Variants in ZNF92 observed in about 807,000 individuals in gnomAD.
ZNF92 encodes the protein epididymis luminal protein 203.
In ZNF92, 11 loss-of-function variants were observed where a neutral mutation model predicts 12.4. That is an observed-to-expected ratio of 0.89 (90% CI 0.56 to 1.47). The LOEUF (loss-of-function observed/expected upper bound fraction) is 1.47, where lower values mean the gene tolerates loss of function less well. Among genes scored for constraint, ZNF92 ranks in the 40% most tolerant of loss-of-function variants. The pLI is 0.00. For missense variants in ZNF92, 622 were observed against 681.0 expected, an observed-to-expected ratio of 0.91 and a Z score of 0.96; for synonymous variants, 206 against 228.6, an observed-to-expected ratio of 0.90 and a Z score of 0.89.
chr7:65,373,866 C>G lies in ZNF92; in HGVS notation c.-132C>G. On this transcript the variant is annotated 5_prime_UTR_variant, in exon 1 of 4. Coordinates refer to ENST00000328747, the MANE Select transcript of ZNF92 (RefSeq NM_152626.4). ...TTGGCGGGGCCTTTGTCTCTCGCTGCAGCCGGCGCTCCACGTCTAGTCTTC... is the reference window on the plus strand; with the variant it reads ...TTGGCGGGGCCTTTGTCTCTCGCTGGAGCCGGCGCTCCACGTCTAGTCTTC... The G allele has an allele frequency of 7.8e-7, 1 of 1,282,628 alleles. No individual in the cohort carries two copies. The highest frequency in any genetic ancestry group is 2.4e-5 in the East Asian group (1 of 42,552). The allele number at this position is 1,282,628 out of a possible 1,614,324, so 79.5% of individuals were successfully genotyped here.
chr7:65,398,553 T>G lies in ZNF92; in HGVS notation c.439T>G (p.Cys147Gly). Reference protein sequence around the residue: ...LTTTDSKIFQCDKYVKVFHKF... With the variant: ...LTTTDSKIFQGDKYVKVFHKF... ...AACTACTGACAGCAAGATATTTCAG[T>G]GTGATAAATATGTGAAAGTCTTTCA... Residue 147 changes from cysteine to glycine, a missense_variant, in exon 4 of 4, where the codon TGT (cysteine) becomes GGT (glycine). Coordinates refer to ENST00000328747, the MANE Select transcript of ZNF92 (RefSeq NM_152626.4). 1 of 1,610,130 alleles carries G rather than the reference T, an allele frequency of 6.2e-7. No individual in the cohort carries two copies. The highest frequency in any genetic ancestry group is 8.5e-7 in the Non-Finnish European group (1 of 1,178,630).
At chr7:65,377,353 G>A (rs1265329202) in intron 1 of ZNF92, among the ~76,000 whole-genome samples, 1 of 151,966 alleles carries the variant, frequency 6.6e-6, no homozygotes, top group African/African-American at 2.4e-5. Flanking sequence ...GTCCCAGCCT[G>A]CTCACCCCAG....
chr7:65,376,417 T>C (rs888068080), intron 1 of ZNF92, among the ~76,000 whole-genome samples: 1 of 152,088 alleles, frequency 6.6e-6, no homozygotes, highest in Non-Finnish European at 1.5e-5. Flanking sequence ...TTTTTTGTTT[T>C]TCCCAGAATG....
chr7:65,374,283 G>C (rs1584270313), intron 1 of ZNF92, among the ~76,000 whole-genome samples: 1 of 152,182 alleles, frequency 6.6e-6, no homozygotes, highest in African/African-American at 2.4e-5. Flanking sequence ...ATCTCTCGCC[G>C]AGTGTGCAGG....
At chr7:65,387,003 A>T (rs1056791757) in intron 1 of ZNF92, among the ~76,000 whole-genome samples, 22 of 147,598 alleles carry the variant, frequency 1.5e-4, no homozygotes, top group African/African-American at 5.6e-4. Flanking sequence ...GCAATGGCGC[A>T]ATCTCGGCTC....
chr7:65,396,221 GA>G (rs1301413090), intron 3 of ZNF92, among the ~76,000 whole-genome samples: 1 of 151,952 alleles, frequency 6.6e-6, no homozygotes, highest in Non-Finnish European at 1.5e-5. Flanking sequence ...TATTTAAAAT[GA>G]TTTTTTAAAG....
At position 65,374,038 on chromosome 7, in the gene ZNF92, G is replaced by A. The variant is rs774266298; in HGVS notation, c.3+38G>A. ...GGTCCCACATCCCGAGAGAGGGGGAGGGTCTGGCTGGAACCGATTGGAAGT... is the reference window on the plus strand; with the variant it reads ...GGTCCCACATCCCGAGAGAGGGGGAAGGTCTGGCTGGAACCGATTGGAAGT... On this transcript the variant is annotated intron_variant, in intron 1 of 3. Transcript: ENST00000328747. 9 of 1,613,842 alleles carry A rather than the reference G, an allele frequency of 5.6e-6. No individual in the cohort carries two copies. In the East Asian group the frequency reaches 6.7e-5, roughly 12 times the overall value.
Position 65,399,332 on chromosome 7 carries a change from T to C in ZNF92, c.1218T>C (p.Phe406=), listed in dbSNP as rs755663035. 11 of 1,613,442 alleles carry C rather than the reference T, an allele frequency of 6.8e-6. No homozygotes were observed. Among genetic ancestry groups the C allele is most frequent in the Non-Finnish European group, 9.3e-6 (11 of 1,179,726 alleles). Reference sequence around the variant, plus strand: ...AATGTGAAGAATGTGGCAAAGCTTTTAAACAGTCCTCAACCCTTACTGAAC... The same window carrying C: ...AATGTGAAGAATGTGGCAAAGCTTTCAAACAGTCCTCAACCCTTACTGAAC... The part of the protein sequence containing the change: ...PYKCEECGKA[F]KQSSTLTEHK... Residue 406 remains phenylalanine (F), a synonymous_variant, in exon 4 of 4, where the codon TTT becomes TTC. Coordinates refer to ENST00000328747, the MANE Select transcript of ZNF92 (RefSeq NM_152626.4).
chr7:65,396,072 C>G (rs1241722357), intron 3 of ZNF92, among the ~76,000 whole-genome samples: 1 of 148,632 alleles, frequency 6.7e-6, no homozygotes, highest in Non-Finnish European at 1.5e-5. Context: ...GCCATCATAC[C>G]CAGCTAGTTT....
intron 1 of ZNF92, among the ~76,000 whole-genome samples, chr7:65,381,347 G>T (rs1793412854): frequency 7.0e-6 from 1 of 143,476 alleles, no homozygotes. Context: ...TATGTCCTTT[G>T]CCTACTTTTT....
At chr7:65,388,500 G>T (rs532191009) in intron 2 of ZNF92, among the ~76,000 whole-genome samples, 2 of 151,906 alleles carry the variant, frequency 1.3e-5, no homozygotes, top group South Asian at 2.1e-4. Context: ...TTAGCCAGGC[G>T]TGTTGGTGGG....
At chr7:65,385,154 A>G (rs1274568219) in intron 1 of ZNF92, among the ~76,000 whole-genome samples, 3 of 152,114 alleles carry the variant, frequency 2.0e-5, no homozygotes, top group East Asian at 1.9e-4. Context: ...ATCAGCATCT[A>G]TAGAGGACTT....
chr7:65,389,832 T>C (rs1793664541), intron 3 of ZNF92, among the ~76,000 whole-genome samples: 1 of 151,714 alleles, frequency 6.6e-6, no homozygotes, highest in Non-Finnish European at 1.5e-5. Flanking sequence ...TTATTATTAA[T>C]ATTACTATTA....
At chr7:65,396,123 G>T (rs943079833) in intron 3 of ZNF92, among the ~76,000 whole-genome samples, 1 of 151,964 alleles carries the variant, frequency 6.6e-6, no homozygotes, top group African/African-American at 2.4e-5. Context: ...TGTTGCTGAG[G>T]CTGGTCTCAA....
chr7:65,398,294 A>T, intron 3 of ZNF92, 47 bp from the exon 4 acceptor site: 6 of 1,425,604 alleles, frequency 4.2e-6, no homozygotes, highest in Non-Finnish European at 5.6e-6. Context: ...AAGTATATTC[A>T]TCTGAGTCTA....
At chr7:65,381,973 A>G (rs990613544) in intron 1 of ZNF92, among the ~76,000 whole-genome samples, 1 of 152,136 alleles carries the variant, frequency 6.6e-6, no homozygotes, top group African/African-American at 2.4e-5. Flanking sequence ...ATAGCCAAAA[A>G]GAGAGCACTA....
intron 3 of ZNF92, 90 bp downstream of exon 3, chr7:65,388,991 A>G: frequency 8.4e-7 from 1 of 1,190,344 alleles, no homozygotes; most frequent in East Asian, 3.6e-5. Context: ...CGGAGTTTTG[A>G]CCTTGTTGTC....
At position 65,398,675 on chromosome 7, in the gene ZNF92, A is replaced by G; in HGVS notation, c.561A>G (p.Gln187=). 4 of 1,611,762 alleles carry G rather than the reference A, an allele frequency of 2.5e-6. No homozygotes were observed. The highest frequency in any genetic ancestry group is 1.1e-5 in the South Asian group (1 of 90,658). The change falls in exon 4 of 4, where the codon CAA becomes CAG. Residue 187 remains glutamine (Q), a synonymous_variant. Coordinates refer to ENST00000328747, the MANE Select transcript of ZNF92 (RefSeq NM_152626.4). ...NRGKSFCMLS[Q]LTQHKKIHTR... ...GCAAATCATTTTGCATGCTTTCACA[A>G]TTAACTCAACATAAGAAAATTCATA...
chr7:65,378,309 A>T (rs1430637335), intron 1 of ZNF92, among the ~76,000 whole-genome samples: 1 of 147,818 alleles, frequency 6.8e-6, no homozygotes, highest in Non-Finnish European at 1.5e-5. Flanking sequence ...AAAAAAAATC[A>T]GATTTTAGAT....
Sources: gnomAD v4.1 joint callset for allele counts (sites outside exome capture counted in the v4.1 genomes callset) on GRCh38, gnomAD v4.1.1 for gene constraint, MANE v1.5 for transcripts, NCBI Gene and HGNC (gene_info 2026-07-23, HGNC 2026-07-21) for gene names.